COL8A1: variants seen among roughly 807,000 people sequenced by gnomAD.
COL8A1 encodes the protein collagen alpha-1(VIII) chain.
Under a neutral mutation model 42.7 loss-of-function variants are expected in COL8A1, and 21 were observed. The observed-to-expected ratio is 0.49, with a 90% CI of 0.35 to 0.71. COL8A1 has a LOEUF of 0.71. Ranked by LOEUF, COL8A1 falls within the 30% of genes least tolerant of loss-of-function variation. The probability of loss-of-function intolerance (pLI) is 0.01; values close to 1 mark genes in which losing one functional copy is unlikely to be tolerated. For missense variants in COL8A1, 788 were observed against 962.4 expected (o/e 0.82, Z 2.40); for synonymous variants, 367 against 369.1 (o/e 0.99, Z 0.06).
At chr3:99,693,616 C>T (rs147841729) in intron 1 of COL8A1, among the ~76,000 whole-genome samples, 65 of 152,218 alleles carry the variant, frequency 4.3e-4, no homozygotes, top group African/African-American at 1.5e-3. Context: ...AAGAAAGAAA[C>T]ATTTTTGTAG....
chr3:99,725,964 T>G lies in COL8A1; in HGVS notation c.-128-18933T>G, dbSNP rs1034112683. ...ATGGCTGGGTCAAATGGTATTTCTATTTCTAGATCCTTGAGGAATCGCCAC... is the reference window on the plus strand; with the variant it reads ...ATGGCTGGGTCAAATGGTATTTCTAGTTCTAGATCCTTGAGGAATCGCCAC... On this transcript the variant is annotated intron_variant, in intron 1 of 3. Coordinates refer to ENST00000652472, the MANE Select transcript of COL8A1 (RefSeq NM_020351.4). Among the ~76,000 whole-genome samples the G allele has an allele frequency of 7.2e-5, 11 of 152,036 alleles. No individual in the cohort carries two copies. The South Asian group carries it at 1.4e-3, about 20-fold the overall frequency.
At chr3:99,730,745 T>G (rs976509969) in intron 1 of COL8A1, among the ~76,000 whole-genome samples, 1 of 152,110 alleles carries the variant, frequency 6.6e-6, no homozygotes, top group African/African-American at 2.4e-5. Context: ...GCCTGTTGAG[T>G]GGTGGTACAG....
chr3:99,748,144 A>G (rs552489642), intron 2 of COL8A1, among the ~76,000 whole-genome samples: 1 of 152,340 alleles, frequency 6.6e-6, no homozygotes, highest in East Asian at 1.9e-4. Flanking sequence ...CAGTGAAACT[A>G]AATCACTTTT....
At chr3:99,716,647 C>T in intron 1 of COL8A1, among the ~76,000 whole-genome samples, 1 of 151,942 alleles carries the variant, frequency 6.6e-6, no homozygotes. Context: ...CTCATGATCC[C>T]CCTCCTCAAA....
intron 1 of COL8A1, among the ~76,000 whole-genome samples, chr3:99,701,712 T>C (rs1939545172): frequency 1.3e-5 from 2 of 152,244 alleles, no homozygotes; most frequent in South Asian, 4.1e-4. Context: ...GTTATATAAC[T>C]CTAGAAATCA....
chr3:99,794,359 G>T lies in COL8A1; in HGVS notation c.458G>T (p.Gly153Val), dbSNP rs1227211167. 1 of 1,614,032 alleles carries T rather than the reference G, an allele frequency of 6.2e-7. No homozygotes were observed. The highest frequency in any genetic ancestry group is 2.2e-5 in the East Asian group (1 of 44,856). Residue 153 changes from glycine (G) to valine (V), a missense_variant, in exon 4 of 4, where the codon GGA (glycine) becomes GTA (valine). Coordinates refer to ENST00000652472, the MANE Select transcript of COL8A1 (RefSeq NM_020351.4). The surrounding 1 kb of genome is among the most constrained non-coding windows in gnomAD (Gnocchi z 4.3). The part of the protein sequence containing the change: ...PGIKGKPGPQ[G>V]YPGVGKPGMP... ...ATTAAAGGAAAACCAGGGCCACAGG[G>T]ATATCCAGGAGTTGGAAAGCCAGGT...
chr3:99,782,186 T>C (rs566787175), intron 2 of COL8A1, among the ~76,000 whole-genome samples: 4 of 152,302 alleles, frequency 2.6e-5, no homozygotes, highest in Admixed American at 1.3e-4. Context: ...TTCTTATTTC[T>C]TCCTTTGGTT....
intron 1 of COL8A1, among the ~76,000 whole-genome samples, chr3:99,698,099 G>C (rs558916276): frequency 1.3e-5 from 2 of 152,312 alleles, no homozygotes; most frequent in African/African-American, 4.8e-5. Flanking sequence ...AGTTTGCTGA[G>C]AATGATGGTT....
At chr3:99,737,438 C>CT (rs1464071793) in intron 1 of COL8A1, among the ~76,000 whole-genome samples, 8 of 151,818 alleles carry the variant, frequency 5.3e-5, no homozygotes, top group Non-Finnish European at 1.2e-4. Flanking sequence ...GACAAAATCT[C>CT]CAGCATTTGC....
In COL8A1 at chr3:99,790,769, C is replaced by T; in HGVS notation, c.87C>T (p.Ala29=). Residue 29 remains alanine, a synonymous_variant, in exon 3 of 4, where the codon GCC becomes GCT. Transcript: ENST00000652472. ...LSSIRLIQAG[A]YYGIKPLPPQ... ...CCATCAGGCTCATTCAGGCTGGTGC[C>T]TACTATGGGATCAAGCCGCTGCCAC... 1 of 1,614,156 alleles carries T rather than the reference C, an allele frequency of 6.2e-7. No homozygotes were observed. The highest frequency in any genetic ancestry group is 8.5e-7 in the Non-Finnish European group (1 of 1,180,020).
At chr3:99,716,651 C>T (rs989771818) in intron 1 of COL8A1, among the ~76,000 whole-genome samples, 1 of 151,984 alleles carries the variant, frequency 6.6e-6, no homozygotes, top group East Asian at 1.9e-4. Context: ...TGATCCCCCT[C>T]CTCAAAAGCC....
At chr3:99,776,327 G>A (rs1317530449) in intron 2 of COL8A1, among the ~76,000 whole-genome samples, 1 of 152,174 alleles carries the variant, frequency 6.6e-6, no homozygotes, top group Non-Finnish European at 1.5e-5. Flanking sequence ...TGGGTTCTTT[G>A]TATTTTTTTT....
rs534490661 is a variant in COL8A1 at position 99,750,863 on chromosome 3, C to T, written c.-4+5842C>T. Among the ~76,000 whole-genome samples, 3 of 152,268 alleles carry T rather than the reference C, an allele frequency of 2.0e-5. No individual in the cohort carries two copies. In the South Asian group the frequency reaches 6.2e-4, roughly 32 times the overall value. On this transcript the variant is annotated intron_variant, in intron 2 of 3. Coordinates refer to ENST00000652472, the MANE Select transcript of COL8A1 (RefSeq NM_020351.4). ...TGTGGCAATCAGAAAAGTAGAGCAT[C>T]ATTAAAGTGTACCTCTTTCACCTTA...
At chr3:99,728,021 C>T (rs909816349) in intron 1 of COL8A1, among the ~76,000 whole-genome samples, 1 of 149,822 alleles carries the variant, frequency 6.7e-6, no homozygotes, top group Non-Finnish European at 1.5e-5. Flanking sequence ...TATGACAAAC[C>T]CACAGCCAAT....
At chr3:99,685,054 C>A (rs1939006444) in intron 1 of COL8A1, among the ~76,000 whole-genome samples, 1 of 152,080 alleles carries the variant, frequency 6.6e-6, no homozygotes, top group Non-Finnish European at 1.5e-5. Flanking sequence ...TGTTAATATA[C>A]CATTTTAGTA....
chr3:99,715,904 C>T lies in COL8A1; in HGVS notation c.-128-28993C>T, dbSNP rs186310781. On this transcript the variant is annotated intron_variant, in intron 1 of 3. Coordinates refer to ENST00000652472, the MANE Select transcript of COL8A1 (RefSeq NM_020351.4). Reference sequence around the variant, plus strand: ...GTGGACTCCTGGAGATGACTCTGAACACTCTATTGGATTTCCCTATTTCAT... The same window carrying T: ...GTGGACTCCTGGAGATGACTCTGAATACTCTATTGGATTTCCCTATTTCAT... Among the ~76,000 whole-genome samples, 5 of 152,150 alleles carry T rather than the reference C, an allele frequency of 3.3e-5. No individual in the cohort carries two copies. The East Asian group carries it at 9.7e-4, about 30-fold the overall frequency.
chr3:99,725,195 A>G lies in COL8A1; in HGVS notation c.-128-19702A>G, dbSNP rs1026037212. 2.6e-5 allele frequency among the ~76,000 whole-genome samples: 4 copies of G among 152,006 alleles called. No homozygotes were observed. In the East Asian group the frequency reaches 5.8e-4, roughly 22 times the overall value. ...GGCAATGTATTTTGATTGTTATGGG[A>G]AGAAGAGGAATCATCCAAGAGTTGG... On this transcript the variant is annotated intron_variant, in intron 1 of 3. Transcript: ENST00000652472.
chr3:99,691,756 A>G (rs1036887264), intron 1 of COL8A1: 6 of 150,844 alleles, frequency 4.0e-5, no homozygotes, highest in Admixed American at 2.6e-4. Flanking sequence ...TTCAACAGGT[A>G]AGGTAACTGA....
At chr3:99,676,335 T>C (rs753080765) in intron 1 of COL8A1, among the ~76,000 whole-genome samples, 5 of 152,154 alleles carry the variant, frequency 3.3e-5, no homozygotes, top group Non-Finnish European at 7.4e-5. Context: ...CAGCATAATC[T>C]TGATCCCAAA....
Sources: allele counts gnomAD v4.1 joint callset (sites outside exome capture counted in the v4.1 genomes callset), GRCh38; gene constraint gnomAD v4.1.1; non-coding constraint Gnocchi (gnomAD v3.1); transcripts MANE v1.5; gene names NCBI Gene and HGNC (gene_info 2026-07-23, HGNC 2026-07-21).